Variants in IQSEC1 observed in about 807,000 individuals in gnomAD.
IQSEC1 encodes IQ motif and Sec7 domain ArfGEF 1.
IQSEC1 carries 31 observed loss-of-function variants against 91.0 expected under a neutral mutation model. The ratio of observed to expected loss-of-function variants is 0.34; its 90% CI spans 0.26 to 0.46. The LOEUF (loss-of-function observed/expected upper bound fraction) is 0.46, where lower values mean the gene tolerates loss of function less well. Among genes scored for constraint, IQSEC1 ranks in the 20% least tolerant of loss-of-function variants. The pLI is 1.00. For missense variants in IQSEC1, 1,388 were observed against 1,575.6 expected (o/e 0.88, Z 2.02); for synonymous variants, 699 against 662.6 (o/e 1.05, Z -0.84).
chr3:13,170,095 G>A (rs1693579472), intron 1 of IQSEC1, among the ~76,000 whole-genome samples: 2 of 152,188 alleles, frequency 1.3e-5, no homozygotes, highest in African/African-American at 4.8e-5. Context: ...TGGTTTTGTG[G>A]GCCAGGCCCA....
chr3:13,189,155 A>T (rs1693979975), intron 1 of IQSEC1, among the ~76,000 whole-genome samples: 1 of 152,156 alleles, frequency 6.6e-6, no homozygotes, highest in Non-Finnish European at 1.5e-5. Context: ...CTGTGACCCC[A>T]CACTGCCAGG....
intron 2 of IQSEC1, among the ~76,000 whole-genome samples, chr3:13,161,603 C>T (rs1261395958): frequency 4.6e-5 from 7 of 152,226 alleles, no homozygotes; most frequent in Non-Finnish European, 8.8e-5. Context: ...TGGGAAGAAA[C>T]ACAATGCCTG....
chr3:13,248,496 C>T (rs541786626), intron 1 of IQSEC1, among the ~76,000 whole-genome samples: 1 of 152,144 alleles, frequency 6.6e-6, no homozygotes, highest in South Asian at 2.1e-4. Context: ...GGAATGCCAA[C>T]CCCTTCCTTG....
At chr3:12,905,455 CCAGGCATGCCTGAAA>C (rs1189506163) in intron 12 of IQSEC1, among the ~76,000 whole-genome samples, 1 of 152,258 alleles carries the variant, frequency 6.6e-6, no homozygotes, top group South Asian at 2.1e-4. Context: ...GCTGCCTGAG[CCAGGCATGCCTGAAA>C]GGCTTTCCAT....
In IQSEC1 at chr3:13,103,825, C is replaced by T. The variant is rs1706103831; in HGVS notation, c.303-56303G>A. The stretch of plus-strand genomic sequence containing the variant: ...TGTCTGCCTCCATCACTGCTCTCTC[C>T]CCAGCGTGCGGCACATAGTAGGTGC... On this transcript the variant is annotated intron_variant, in intron 2 of 15. Coordinates refer to the IQSEC1 transcript ENST00000648114. The surrounding 1 kb of genome is among the most constrained non-coding windows in gnomAD (Gnocchi z 4.1). 6.6e-6 allele frequency among the ~76,000 whole-genome samples: 1 copy of T among 152,204 alleles called. No individual in the cohort carries two copies.
At chr3:12,931,644 T>G (rs1697686445) in intron 3 of IQSEC1, among the ~76,000 whole-genome samples, 1 of 152,038 alleles carries the variant, frequency 6.6e-6, no homozygotes. Context: ...TTCCCACAGG[T>G]GGAGGGGAAT....
intron 1 of IQSEC1, among the ~76,000 whole-genome samples, chr3:13,243,993 C>G (rs1243020704): frequency 2.6e-5 from 4 of 152,200 alleles, no homozygotes; most frequent in Non-Finnish European, 5.9e-5. Context: ...ATATGATGCC[C>G]TTTCATTTGC....
At chr3:12,917,839 T>A (rs1318485877) in intron 6 of IQSEC1, among the ~76,000 whole-genome samples, 1 of 152,214 alleles carries the variant, frequency 6.6e-6, no homozygotes, top group Admixed American at 6.5e-5. Context: ...TTAAAAAATT[T>A]AAGAACAAAC....
chr3:13,283,146 G>T (rs1257925587), exon 1 of IQSEC1, among the ~76,000 whole-genome samples: 1 of 144,090 alleles, frequency 6.9e-6, no homozygotes, highest in Admixed American at 6.9e-5. Flanking sequence ...GGGCCCCCGC[G>T]CCTCCTGCTC....
At chr3:13,199,951 TAC>T (rs1247419644) in intron 1 of IQSEC1, among the ~76,000 whole-genome samples, 1 of 119,116 alleles carries the variant, frequency 8.4e-6, no homozygotes, top group East Asian at 2.6e-4. Context: ...ACACACACCA[TAC>T]ACACATACAC....
intron 2 of IQSEC1, among the ~76,000 whole-genome samples, chr3:13,109,149 C>T (rs1225640345): frequency 6.6e-6 from 1 of 152,142 alleles, no homozygotes; most frequent in Non-Finnish European, 1.5e-5. Context: ...ACAGGCATTA[C>T]CGAGGGACTG....
At chr3:13,005,706 C>G (rs911349015) in intron 1 of IQSEC1, among the ~76,000 whole-genome samples, 7 of 152,232 alleles carry the variant, frequency 4.6e-5, no homozygotes, top group Non-Finnish European at 8.8e-5. Context: ...CCACCTATAG[C>G]TGGTGGCTAC....
intron 1 of IQSEC1, among the ~76,000 whole-genome samples, chr3:13,223,238 G>T (rs549960252): frequency 6.6e-6 from 1 of 152,320 alleles, no homozygotes; most frequent in East Asian, 1.9e-4. Flanking sequence ...CTTCTTCCCA[G>T]TTAGAGGCAT....
intron 1 of IQSEC1, among the ~76,000 whole-genome samples, chr3:13,186,423 C>T (rs1693932658): frequency 6.6e-6 from 1 of 152,162 alleles, no homozygotes; most frequent in African/African-American, 2.4e-5. Flanking sequence ...TTTATGACTG[C>T]TTAAAATACC....
chr3:12,968,006 G>A (rs1447267516), intron 1 of IQSEC1, among the ~76,000 whole-genome samples: 2 of 152,226 alleles, frequency 1.3e-5, no homozygotes, highest in Non-Finnish European at 2.9e-5. Flanking sequence ...CCAGGTCCCA[G>A]CGCGCGAAGC....
intron 2 of IQSEC1, among the ~76,000 whole-genome samples, chr3:13,138,760 C>T (rs540992859): frequency 2.0e-5 from 3 of 152,186 alleles, no homozygotes; most frequent in East Asian, 3.9e-4. Context: ...ATTCCTTCCA[C>T]TCCCTTTGCA....
At chr3:12,954,714 C>T (rs999856593) in intron 1 of IQSEC1, among the ~76,000 whole-genome samples, 2 of 152,238 alleles carry the variant, frequency 1.3e-5, no homozygotes, top group Non-Finnish European at 2.9e-5. Flanking sequence ...GAAGTTTCCA[C>T]AGTGCCTAAA....
At position 12,967,739 on chromosome 3, in the gene IQSEC1, C is replaced by T; in HGVS notation, c.24-25874G>A. ...GAATGTGGCCCTGAAGTGGGCGGGGCAGGGCGGGGGCGGGGCCGGAGGGCG... is the reference window on the plus strand; with the variant it reads ...GAATGTGGCCCTGAAGTGGGCGGGGTAGGGCGGGGGCGGGGCCGGAGGGCG... On this transcript the variant is annotated intron_variant, in intron 1 of 13. Coordinates refer to ENST00000613206, the MANE Select transcript of IQSEC1 (RefSeq NM_001134382.3). This position sits in a 1 kb window ranked among gnomAD's most constrained non-coding sequence, Gnocchi z 5.9. 1 of 1,061,928 alleles carries T rather than the reference C, an allele frequency of 9.4e-7. No homozygotes were observed. Among genetic ancestry groups the T allele is most frequent in the Non-Finnish European group, 1.1e-6 (1 of 878,956 alleles). 65.8% of individuals were successfully genotyped at this position (1,061,928 alleles called of 1,614,324 possible). A position where few individuals can be genotyped will look rare whatever the true frequency, so the allele number is the denominator to read the frequency against.
intron 1 of IQSEC1, among the ~76,000 whole-genome samples, chr3:13,174,833 T>TCCCCCCCCCCCCCCCCC (rs754194155): frequency 8.9e-6 from 1 of 112,712 alleles, no homozygotes; most frequent in Non-Finnish European, 1.9e-5. Flanking sequence ...GTCTTTCTGC[T>TCCCCCCCCCCCCCCCCC]CCCCCCCCCC....
Sources: gnomAD v4.1 joint callset for allele counts (sites outside exome capture counted in the v4.1 genomes callset) on GRCh38, gnomAD v4.1.1 for gene constraint, Gnocchi (gnomAD v3.1) non-coding constraint, MANE v1.5 for transcripts, NCBI Gene and HGNC (gene_info 2026-07-23, HGNC 2026-07-21) for gene names.